Variants in UBR1 observed in about 807,000 individuals in gnomAD.
UBR1 encodes the protein ubiquitin protein ligase E3 component n-recognin 1.
In UBR1, 102 loss-of-function variants were observed where a neutral mutation model predicts 242.1. The observed-to-expected ratio is 0.42, with a 90% CI of 0.36 to 0.50. UBR1 has a LOEUF of 0.50. Among genes scored for constraint, UBR1 ranks in the 20% least tolerant of loss-of-function variants. The probability of loss-of-function intolerance (pLI) is 0.01; values close to 1 mark genes in which losing one functional copy is unlikely to be tolerated. For missense variants in UBR1, 1,772 were observed against 2,101.8 expected, an observed-to-expected ratio of 0.84 and a Z score of 3.07; for synonymous variants, 675 against 684.8, an observed-to-expected ratio of 0.99 and a Z score of 0.22.
chr15:43,025,509 C>G, intron 23 of UBR1, 80 bp from the exon 24 acceptor site: 3 of 1,021,018 alleles, frequency 2.9e-6, no homozygotes, highest in African/African-American at 1.6e-5. Context: ...CAGGAAAGAC[C>G]CAACCACCTA....
At chr15:43,038,086 T>C (rs919581069) in intron 16 of UBR1, 85 bp downstream of exon 16, 5 of 1,501,802 alleles carry the variant, frequency 3.3e-6, no homozygotes, top group Non-Finnish European at 4.6e-6. Context: ...GGTGGGTTTC[T>C]AAATATTATC....
At chr15:43,055,624 A>T (rs990929805) in intron 11 of UBR1, among the ~76,000 whole-genome samples, 1 of 152,040 alleles carries the variant, frequency 6.6e-6, no homozygotes, top group African/African-American at 2.4e-5. Context: ...CAGACAAGAA[A>T]AGAAGTAGGG....
At chr15:43,099,760 C>T (rs2034205178) in intron 1 of UBR1, among the ~76,000 whole-genome samples, 1 of 152,154 alleles carries the variant, frequency 6.6e-6, no homozygotes, top group African/African-American at 2.4e-5. Flanking sequence ...AAGAACTTCA[C>T]TGTCTAGAAG....
intron 37 of UBR1, among the ~76,000 whole-genome samples, chr15:42,979,841 A>G (rs776208682): frequency 9.2e-5 from 14 of 152,202 alleles, no homozygotes; most frequent in South Asian, 2.1e-4. Context: ...TACAGGTGTG[A>G]GCCACTGCTC....
intron 1 of UBR1, 93 bp downstream of exon 1, chr15:43,105,849 G>A: frequency 7.9e-7 from 1 of 1,271,506 alleles, no homozygotes; most frequent in Non-Finnish European, 1.1e-6. Flanking sequence ...CCCCTCCCCA[G>A]AGCCGCCATA....
chr15:43,002,018 T>C (rs1425614021), intron 32 of UBR1, among the ~76,000 whole-genome samples: 1 of 152,212 alleles, frequency 6.6e-6, no homozygotes, highest in Non-Finnish European at 1.5e-5. Flanking sequence ...ATTACTTCAA[T>C]GGCTGCTGGA....
At chr15:42,958,277 T>A (rs2031956337) in intron 43 of UBR1, among the ~76,000 whole-genome samples, 187 bp from the exon 44 acceptor site, 1 of 152,356 alleles carries the variant, frequency 6.6e-6, no homozygotes, top group South Asian at 2.1e-4. Flanking sequence ...TTTCATCAGC[T>A]GGATTCCTTT....
intron 20 of UBR1, among the ~76,000 whole-genome samples, chr15:43,032,200 A>G (rs1334235138): frequency 1.3e-5 from 2 of 151,260 alleles, no homozygotes; most frequent in Middle Eastern, 3.2e-3. Flanking sequence ...CTATGGGTCA[A>G]TGTCATAACT....
intron 40 of UBR1, 125 bp downstream of exon 40, chr15:42,970,395 A>C (rs2032184385): frequency 1.9e-6 from 2 of 1,027,874 alleles, no homozygotes; most frequent in African/African-American, 1.6e-5. Flanking sequence ...AAACCCTACA[A>C]GAAAACCTAG....
intron 46 of UBR1, among the ~76,000 whole-genome samples, chr15:42,949,509 T>C (rs2031793570): frequency 6.6e-6 from 1 of 151,970 alleles, no homozygotes; most frequent in South Asian, 2.1e-4. Context: ...ATTTAAAAGA[T>C]AGCTCTCAGC....
At chr15:43,006,969 T>C in intron 30 of UBR1, 110 bp downstream of exon 30, 2 of 977,536 alleles carry the variant, frequency 2.0e-6, no homozygotes, top group Admixed American at 3.8e-5. Context: ...ATGATAATGG[T>C]ATGGTAGATA....
At chr15:42,976,690 C>T (rs771694988) in intron 39 of UBR1, 27 bp downstream of exon 39, 86 of 1,609,646 alleles carry the variant, frequency 5.3e-5, no homozygotes, top group Non-Finnish European at 7.0e-5. Flanking sequence ...ATGTTATTCA[C>T]AGTCAACACC....
At chr15:43,076,247 G>A (rs572962460) in intron 3 of UBR1, among the ~76,000 whole-genome samples, 3,645 of 151,676 alleles carry the variant, frequency 0.024, 71 homozygotes, top group African/African-American at 0.084. Context: ...CTCCCGAGGC[G>A]CCGGGATTGC....
At chr15:43,025,530 T>A (rs1023156656) in intron 23 of UBR1, 101 bp from the exon 24 acceptor site, 15 of 818,948 alleles carry the variant, frequency 1.8e-5, no homozygotes, top group South Asian at 6.0e-5. Context: ...TTAAAATACT[T>A]TATATACTGA....
chr15:43,091,906 CAAAAAAAAAAAAAAA>C (rs58586323), intron 1 of UBR1: 27 of 180,314 alleles, frequency 1.5e-4, no homozygotes, highest in Admixed American at 1.9e-4. Context: ...TACACCATCT[CAAAAAAAAAAAAAAA>C]AAAAAAAAAA....
At position 42,977,735 on chromosome 15, in the gene UBR1, T is replaced by C. The variant is rs1028763357; in HGVS notation, c.4218+145A>G. 3.0e-5 allele frequency: 20 copies of C among 676,690 alleles called. No individual in the cohort carries two copies. The African/African-American group carries it at 3.6e-4, about 12-fold the overall frequency. 41.9% of individuals were successfully genotyped at this position (676,690 alleles called of 1,614,324 possible). A position where few individuals can be genotyped will look rare whatever the true frequency, so the allele number is the denominator to read the frequency against. ...ACAGTCTCCATCAAATCTGTACCTATTTGTAAACAATGGACAGGAGAGACC... is the reference window on the plus strand; with the variant it reads ...ACAGTCTCCATCAAATCTGTACCTACTTGTAAACAATGGACAGGAGAGACC... On this transcript the variant is annotated intron_variant, in intron 38 of 46. Coordinates refer to ENST00000290650, the MANE Select transcript of UBR1 (RefSeq NM_174916.3).
chr15:43,073,885 C>T (rs1436934254), intron 4 of UBR1, among the ~76,000 whole-genome samples: 1 of 152,162 alleles, frequency 6.6e-6, no homozygotes. Flanking sequence ...CAGAATGGTA[C>T]TTAAAAGATC....
chr15:43,087,132 G>A (rs1596138544), intron 1 of UBR1, among the ~76,000 whole-genome samples: 1 of 152,172 alleles, frequency 6.6e-6, no homozygotes, highest in Non-Finnish European at 1.5e-5. Flanking sequence ...CGGGCCGGGC[G>A]CGGTGGCTCA....
chr15:42,968,785 G>A (rs1311357829), intron 40 of UBR1, among the ~76,000 whole-genome samples: 1 of 151,976 alleles, frequency 6.6e-6, no homozygotes, highest in Non-Finnish European at 1.5e-5. Context: ...TTCTGTTCCT[G>A]TGTTAGTTTG....
Sources: allele counts gnomAD v4.1 joint callset (sites outside exome capture counted in the v4.1 genomes callset), GRCh38; gene constraint gnomAD v4.1.1; transcripts MANE v1.5; gene names NCBI Gene and HGNC (gene_info 2026-07-23, HGNC 2026-07-21).